The following PPP1R10 variants were observed in gnomAD, a reference collection of about 807,000 sequenced individuals.
PPP1R10 encodes serine/threonine-protein phosphatase 1 regulatory subunit 10.
In PPP1R10, 15 loss-of-function variants were observed where a neutral mutation model predicts 99.0. The ratio of observed to expected loss-of-function variants is 0.15; its 90% CI spans 0.10 to 0.23. The LOEUF (loss-of-function observed/expected upper bound fraction) is 0.23. Ranked by LOEUF, PPP1R10 falls within the 10% of genes least tolerant of loss-of-function variation. The pLI is 1.00. For missense variants in PPP1R10, 947 were observed against 1,259.4 expected (o/e 0.75, Z 3.75); for synonymous variants, 430 against 449.5 (o/e 0.96, Z 0.55).
chr6:30,615,654 C>T (rs1760410248), intron 2 of PPP1R10, among the ~76,000 whole-genome samples: 1 of 152,172 alleles, frequency 6.6e-6, no homozygotes, highest in Non-Finnish European at 1.5e-5. Flanking sequence ...TCCTAAATTC[C>T]ACATTTCCCA....
Position 30,605,971 on chromosome 6 carries a change from T to G in PPP1R10, c.805A>C (p.Thr269Pro). 1 of 1,614,062 alleles carries G rather than the reference T, an allele frequency of 6.2e-7. No homozygotes were observed. The highest frequency in any genetic ancestry group is 8.5e-7 in the Non-Finnish European group (1 of 1,179,974). Residue 269 changes from threonine to proline, a missense_variant, in exon 10 of 20, where the codon ACA (threonine) becomes CCA (proline). Physicochemically the swap from Thr to Pro is conservative, Grantham distance 38. Transcript: ENST00000376511. ...TTGATCTCTTTGGTGGCATTAGGTG[T>G]TGTGTTGAGTGGCTTGTATTTCTTC... ...AEKKYKPLNTTPNATKEIKVK... is the reference protein window; with the variant it reads ...AEKKYKPLNTPPNATKEIKVK...
At chr6:30,614,748 A>AG (rs1760276173) in intron 2 of PPP1R10, 1 of 152,146 alleles carries the variant, frequency 6.6e-6, no homozygotes, top group South Asian at 2.1e-4. Context: ...TCCCAGTCTT[A>AG]GGTTTGCCTG....
In PPP1R10 at chr6:30,606,432, C is replaced by A; in HGVS notation, c.634+36G>T. On this transcript the variant is annotated intron_variant, in intron 8 of 19. Transcript: ENST00000376511. The surrounding 1 kb of genome is among the most constrained non-coding windows in gnomAD (Gnocchi z 6.3). ...CCATAAGGCTCTGGGTGTGCACATG[C>A]CCATGAACCCTCCAGAGGCCAGCCG... 6.2e-7 allele frequency: 1 copy of A among 1,610,078 alleles called. No homozygotes were observed. The highest frequency in any genetic ancestry group is 8.5e-7 in the Non-Finnish European group (1 of 1,178,418).
In PPP1R10 at chr6:30,602,566, C is replaced by T. The variant is rs764969624; in HGVS notation, c.2083G>A (p.Gly695Ser). 9 of 1,563,164 alleles carry T rather than the reference C, an allele frequency of 5.8e-6. 1 individual carries two copies. The highest frequency in any genetic ancestry group is 7.8e-6 in the Non-Finnish European group (9 of 1,157,370). Residue 695 changes from glycine to serine, a missense_variant, in exon 19 of 20, where the codon GGT (glycine) becomes AGT (serine). This residue lies in a region of PPP1R10 where 525 missense variants were observed against 578.8 expected (regional missense o/e 0.91). Transcript: ENST00000376511. The surrounding 1 kb of genome is among the most constrained non-coding windows in gnomAD (Gnocchi z 6.7). Reference sequence around the variant, plus strand: ...TATGGTCCAGGACCTGGTCCTGGACCCCCCCGCATTGGGCCACCCCGCATA... The same window carrying T: ...TATGGTCCAGGACCTGGTCCTGGACTCCCCCGCATTGGGCCACCCCGCATA... ...DPMRGGPMRGGPGPGPGPYHR... is the reference protein window; with the variant it reads ...DPMRGGPMRGSPGPGPGPYHR...
intron 2 of PPP1R10, among the ~76,000 whole-genome samples, chr6:30,615,437 A>G (rs1237400030): frequency 6.6e-6 from 1 of 152,184 alleles, no homozygotes; most frequent in Non-Finnish European, 1.5e-5. Context: ...AGGGGGAGGA[A>G]GGACTTGGAC....
chr6:30,605,663 A>G (rs937117257), intron 10 of PPP1R10: 3 of 425,702 alleles, frequency 7.0e-6, no homozygotes, highest in African/African-American at 6.1e-5. Flanking sequence ...AATCAAGACC[A>G]TCCTGGCTAA....
Position 30,606,867 on chromosome 6 carries a change from C to T in PPP1R10, c.383-11G>A, listed in dbSNP as rs778538448. 6.8e-6 allele frequency: 11 copies of T among 1,607,442 alleles called. No homozygotes were observed. Among genetic ancestry groups the T allele is most frequent in the Middle Eastern group, 1.7e-4 (1 of 6,054 alleles). On this transcript the variant is annotated splice_polypyrimidine_tract_variant and intron_variant, in intron 6 of 19. Coordinates refer to ENST00000376511, the MANE Select transcript of PPP1R10 (RefSeq NM_002714.4). The surrounding 1 kb of genome is among the most constrained non-coding windows in gnomAD (Gnocchi z 6.3). ...CCAATTTCCGGAGCTCTGCAGGTGA[C>T]AGAAAGGGGAAATGCCTAAATAATG...
At chr6:30,611,157 C>A (rs977312589) in intron 2 of PPP1R10, among the ~76,000 whole-genome samples, 1 of 152,034 alleles carries the variant, frequency 6.6e-6, no homozygotes, top group Non-Finnish European at 1.5e-5. Context: ...AAACATAAGT[C>A]GAGTGTGATG....
At chr6:30,612,018 A>AT (rs1245359571) in intron 2 of PPP1R10, among the ~76,000 whole-genome samples, 1 of 152,206 alleles carries the variant, frequency 6.6e-6, no homozygotes, top group African/African-American at 2.4e-5. Flanking sequence ...CATAAAACAG[A>AT]TATCACATCT....
At chr6:30,605,618 T>C (rs916287558) in intron 10 of PPP1R10, among the ~76,000 whole-genome samples, 17 of 152,018 alleles carry the variant, frequency 1.1e-4, no homozygotes, top group Admixed American at 2.6e-4. Flanking sequence ...CCCAGCACTT[T>C]GGGAAGCTGA....
Position 30,604,882 on chromosome 6 carries a change from C to G in PPP1R10, c.954+112G>C, listed in dbSNP as rs1803763033. 1 of 1,514,888 alleles carries G rather than the reference C, an allele frequency of 6.6e-7. No individual in the cohort carries two copies. Among genetic ancestry groups the G allele is most frequent in the Non-Finnish European group, 9.2e-7 (1 of 1,092,256 alleles). The allele number at this position is 1,514,888 out of a possible 1,614,324, so 93.8% of individuals were successfully genotyped here. ...ATGTCTCACCTGCACCAGTCTATAT[C>G]CAAGGCAAAACGCCTCTTGTTGTCC... On this transcript the variant is annotated intron_variant, in intron 11 of 19. Coordinates refer to ENST00000376511, the MANE Select transcript of PPP1R10 (RefSeq NM_002714.4). The surrounding 1 kb of genome is among the most constrained non-coding windows in gnomAD (Gnocchi z 7.3).
At position 30,602,576 on chromosome 6, in the gene PPP1R10, TGGGCCACCCCGCATA is replaced by T. The variant is rs1803470707; in HGVS notation, c.2058_2072del (p.Met692_Pro696del). Reference sequence around the variant, plus strand: ...GACCTGGTCCTGGACCCCCCCGCATTGGGCCACCCCGCATAGGGTCGCCCGGGCCATCCCAGAAGG... The same window carrying T: ...GACCTGGTCCTGGACCCCCCCGCATTGGGTCGCCCGGGCCATCCCAGAAGG... On this transcript the variant is annotated inframe_deletion, in exon 19 of 20. Coordinates refer to ENST00000376511, the MANE Select transcript of PPP1R10 (RefSeq NM_002714.4). This position sits in a 1 kb window ranked among gnomAD's most constrained non-coding sequence, Gnocchi z 6.7. 3 of 1,565,950 alleles carry T rather than the reference TGGGCCACCCCGCATA, an allele frequency of 1.9e-6. No individual in the cohort carries two copies. The highest frequency in any genetic ancestry group is 2.6e-6 in the Non-Finnish European group (3 of 1,158,758).
At position 30,609,025 on chromosome 6, in the gene PPP1R10, C is replaced by A; in HGVS notation, c.194+52G>T. On this transcript the variant is annotated intron_variant, in intron 4 of 19. Coordinates refer to ENST00000376511, the MANE Select transcript of PPP1R10 (RefSeq NM_002714.4). The surrounding 1 kb of genome is among the most constrained non-coding windows in gnomAD (Gnocchi z 4.5). ...GACCGAGGAACCCCATGCCTCACCGCCCCATCTTTTCGCTACACCTTCCCA... is the reference window on the plus strand; with the variant it reads ...GACCGAGGAACCCCATGCCTCACCGACCCATCTTTTCGCTACACCTTCCCA... 8.1e-6 allele frequency: 13 copies of A among 1,612,032 alleles called. No homozygotes were observed. Among genetic ancestry groups the A allele is most frequent in the Non-Finnish European group, 1.1e-5 (13 of 1,178,186 alleles).
chr6:30,609,264 G>A lies in PPP1R10; in HGVS notation c.108-101C>T, dbSNP rs1257391872. The A allele has an allele frequency of 9.1e-7, 1 of 1,095,486 alleles. No homozygotes were observed. Among genetic ancestry groups the A allele is most frequent in the South Asian group, 1.3e-5 (1 of 75,770 alleles). 67.9% of individuals were successfully genotyped at this position (1,095,486 alleles called of 1,614,324 possible). ...TGCCTAGAGATTCCTAATGACTTGG[G>A]ACTTTGCTCCAGAGAAGGGGAGTCA... On this transcript the variant is annotated intron_variant, in intron 3 of 19. Coordinates refer to ENST00000376511, the MANE Select transcript of PPP1R10 (RefSeq NM_002714.4). This position sits in a 1 kb window ranked among gnomAD's most constrained non-coding sequence, Gnocchi z 4.5.
At chr6:30,612,003 G>A (rs1028146626) in intron 2 of PPP1R10, among the ~76,000 whole-genome samples, 1 of 152,054 alleles carries the variant, frequency 6.6e-6, no homozygotes, top group South Asian at 2.1e-4. Flanking sequence ...TACGATAAAG[G>A]GACACATAAA....
At chr6:30,615,132 G>A (rs1453170880) in intron 2 of PPP1R10, among the ~76,000 whole-genome samples, 1 of 151,686 alleles carries the variant, frequency 6.6e-6, no homozygotes, top group Non-Finnish European at 1.5e-5. Flanking sequence ...CAACAAAGAC[G>A]GAGGGACGCC....
chr6:30,605,841 C>G (rs1030873223), intron 10 of PPP1R10, 82 bp downstream of exon 10: 1 of 1,332,570 alleles, frequency 7.5e-7, no homozygotes, highest in East Asian at 2.3e-5. Context: ...GCCTGGGTGA[C>G]AGAGTGAGAC....
In PPP1R10 at chr6:30,602,051, A is replaced by C. The variant is rs778934372; in HGVS notation, c.2598T>G (p.Gly866=). ...PHGHRPHDVP[G]HRGHDHRGPP... Reference sequence around the variant, plus strand: ...GCCCTCGATGGTCATGGCCTCGGTGACCAGGGACATCATGAGGCCGGTGGC... The same window carrying C: ...GCCCTCGATGGTCATGGCCTCGGTGCCCAGGGACATCATGAGGCCGGTGGC... Residue 866 remains glycine, a synonymous_variant, in exon 19 of 20, where the codon GGT becomes GGG. Transcript: ENST00000376511. The surrounding 1 kb of genome is among the most constrained non-coding windows in gnomAD (Gnocchi z 6.7). 1 of 1,559,704 alleles carries C rather than the reference A, an allele frequency of 6.4e-7. No homozygotes were observed.
rs1437307231 is a variant in PPP1R10 at position 30,602,839 on chromosome 6, C to T, written c.1957+7G>A. 9.0e-6 allele frequency: 14 copies of T among 1,552,864 alleles called. No individual in the cohort carries two copies. The highest frequency in any genetic ancestry group is 1.2e-5 in the Non-Finnish European group (14 of 1,147,008). ...AAGCCCATTCCAACCTTTTACTCACCACCTACCTGGCATAGGTCCCCCAGG... is the reference window on the plus strand; with the variant it reads ...AAGCCCATTCCAACCTTTTACTCACTACCTACCTGGCATAGGTCCCCCAGG... On this transcript the variant is annotated splice_region_variant and intron_variant, in intron 18 of 19. Transcript: ENST00000376511. This position sits in a 1 kb window ranked among gnomAD's most constrained non-coding sequence, Gnocchi z 6.7.
Sources: gnomAD v4.1 joint callset for allele counts (sites outside exome capture counted in the v4.1 genomes callset) on GRCh38, gnomAD v4.1.1 for gene constraint, gnomAD v4.1.1 regional missense constraint, Gnocchi (gnomAD v3.1) non-coding constraint, MANE v1.5 for transcripts, NCBI Gene and HGNC (gene_info 2026-07-23, HGNC 2026-07-21) for gene names.